KCNJ6: variants seen among roughly 807,000 people sequenced by gnomAD.
KCNJ6 encodes the protein G protein-activated inward rectifier potassium channel 2.
In KCNJ6, 9 loss-of-function variants were observed where a neutral mutation model predicts 34.2. The ratio of observed to expected loss-of-function variants is 0.26; its 90% confidence interval spans 0.16 to 0.46. KCNJ6 has a LOEUF of 0.46. KCNJ6 is among the 20% of genes least tolerant of loss of function. The pLI is 1.00. For missense variants in KCNJ6, 236 were observed against 531.3 expected, an observed-to-expected ratio of 0.44 and a Z score of 5.46; for synonymous variants, 196 against 207.1, an observed-to-expected ratio of 0.95 and a Z score of 0.46.
chr21:37,666,703 C>A (rs1282966118), intron 3 of KCNJ6, among the ~76,000 whole-genome samples: 1 of 150,720 alleles, frequency 6.6e-6, no homozygotes, highest in African/African-American at 2.4e-5. Flanking sequence ...GCAGTTTTGT[C>A]GAAAAGAAAG....
At chr21:37,858,285 C>T (rs1462907445) in intron 1 of KCNJ6, among the ~76,000 whole-genome samples, 18 of 142,364 alleles carry the variant, frequency 1.3e-4, no homozygotes, top group African/African-American at 4.4e-4. Context: ...CCCAGCTACT[C>T]GGGAGGCTGA....
chr21:37,758,503 T>C (rs576071974), intron 2 of KCNJ6, among the ~76,000 whole-genome samples: 1 of 152,346 alleles, frequency 6.6e-6, no homozygotes, highest in Admixed American at 6.5e-5. Context: ...TGAATTGCTT[T>C]TACCACTGCG....
chr21:37,645,619 G>A (rs2054400667), intron 3 of KCNJ6, among the ~76,000 whole-genome samples: 1 of 152,160 alleles, frequency 6.6e-6, no homozygotes, highest in African/African-American at 2.4e-5. Context: ...TTTGAACCAT[G>A]TTTAATAGGG....
At chr21:37,828,453 C>G (rs2055409401) in intron 2 of KCNJ6, among the ~76,000 whole-genome samples, 1 of 152,220 alleles carries the variant, frequency 6.6e-6, no homozygotes, top group Admixed American at 6.5e-5. Context: ...GCTGTCCCAG[C>G]TCACACACCT....
intron 3 of KCNJ6, among the ~76,000 whole-genome samples, chr21:37,692,218 AC>A (rs764066846): frequency 6.6e-6 from 1 of 152,112 alleles, no homozygotes; most frequent in Non-Finnish European, 1.5e-5. Flanking sequence ...AAAAACAAAA[AC>A]CAAAAAATCC....
At chr21:37,755,304 G>GA (rs142989045) in intron 2 of KCNJ6, among the ~76,000 whole-genome samples, 4 of 151,816 alleles carry the variant, frequency 2.6e-5, no homozygotes, top group Admixed American at 2.6e-4. Flanking sequence ...GAAAAAAAAA[G>GA]AAAAAAACAA....
In KCNJ6 at chr21:37,871,822, T is replaced by C. The variant is rs550693365; in HGVS notation, c.-27-31113A>G. ...TTCACAAAGTATAACCACCTGTTTT[T>C]TCTTCTATTTTTTAACGAAAAGCTT... On this transcript the variant is annotated intron_variant, in intron 1 of 3. Transcript: ENST00000609713. 1.4e-4 allele frequency among the ~76,000 whole-genome samples: 17 copies of C among 121,852 alleles called. No homozygotes were observed. In the East Asian group the frequency reaches 5.0e-3, roughly 36 times the overall value. The allele number at this position is 121,852 out of a possible 152,430, so 79.9% of individuals were successfully genotyped here. A position where few individuals can be genotyped will look rare whatever the true frequency, so the allele number is the denominator to read the frequency against.
intron 1 of KCNJ6, among the ~76,000 whole-genome samples, chr21:37,898,053 G>A (rs1047488692): frequency 7.2e-5 from 11 of 152,248 alleles, no homozygotes; most frequent in African/African-American, 2.7e-4. Context: ...GGTTCTCCAT[G>A]TTGACCGCCC....
chr21:37,799,228 C>T (rs2055257817), intron 2 of KCNJ6, among the ~76,000 whole-genome samples: 2 of 152,278 alleles, frequency 1.3e-5, no homozygotes, highest in South Asian at 2.1e-4. Flanking sequence ...CAGCTCCATC[C>T]ATGTTCCTGC....
chr21:37,787,718 A>G (rs2055198914), intron 2 of KCNJ6, among the ~76,000 whole-genome samples: 1 of 152,220 alleles, frequency 6.6e-6, no homozygotes, highest in Non-Finnish European at 1.5e-5. Context: ...AATACTGATT[A>G]CTTTTGAAAG....
intron 3 of KCNJ6, among the ~76,000 whole-genome samples, chr21:37,661,650 GTCTC>G (rs988926831): frequency 1.7e-4 from 10 of 60,420 alleles, no homozygotes; most frequent in East Asian, 3.9e-4. Context: ...TGAGACTGGA[GTCTC>G]TCTCTGTCGC....
chr21:37,737,670 A>G (rs796411590), intron 2 of KCNJ6, among the ~76,000 whole-genome samples: 2 of 152,290 alleles, frequency 1.3e-5, no homozygotes, highest in African/African-American at 4.8e-5. Context: ...GTCTGGGGAC[A>G]GGGTTTCTGG....
At chr21:37,759,979 A>T (rs960097544) in intron 2 of KCNJ6, among the ~76,000 whole-genome samples, 112 of 152,198 alleles carry the variant, frequency 7.4e-4, no homozygotes, top group African/African-American at 2.6e-3. Context: ...ACACTCAAGC[A>T]GTCCTACCCA....
intron 1 of KCNJ6, among the ~76,000 whole-genome samples, chr21:37,890,259 T>C (rs1434965008): frequency 6.6e-6 from 1 of 152,082 alleles, no homozygotes; most frequent in Non-Finnish European, 1.5e-5. Flanking sequence ...AAAAGCCCCT[T>C]ATAAAACCAT....
At chr21:37,888,962 G>A (rs2055748861) in intron 1 of KCNJ6, among the ~76,000 whole-genome samples, 1 of 152,224 alleles carries the variant, frequency 6.6e-6, no homozygotes, top group African/African-American at 2.4e-5. Context: ...CACAGAAGTT[G>A]AGACCTCAGG....
chr21:37,667,183 AATT>A (rs1335599916), intron 3 of KCNJ6, among the ~76,000 whole-genome samples: 7 of 71,966 alleles, frequency 9.7e-5, no homozygotes, highest in African/African-American at 1.5e-4. Context: ...AAAAAAAAAA[AATT>A]AAATGAGGCA....
rs1384359678 is a variant in KCNJ6, at chr21:37,614,534, CTCTG to C, written c.*10621_*10624del. On this transcript the variant is annotated 3_prime_UTR_variant, in exon 4 of 4. Transcript: ENST00000609713. ...TCTGTATGCATGTGTGTATGCATGT[CTCTG>C]TGTATGCGTGTGTGTGTATGCGTGT... 6 of 24,426 alleles carry C rather than the reference CTCTG, an allele frequency of 2.5e-4. No homozygotes were observed. Among genetic ancestry groups the C allele is most frequent in the Admixed American group, 1.0e-3 (2 of 1,996 alleles). 1.5% of individuals were successfully genotyped at this position (24,426 alleles called of 1,614,324 possible). A position where few individuals can be genotyped will look rare whatever the true frequency, so the allele number is the denominator to read the frequency against.
At chr21:37,753,101 A>G (rs572091597) in intron 2 of KCNJ6, among the ~76,000 whole-genome samples, 1 of 152,332 alleles carries the variant, frequency 6.6e-6, no homozygotes, top group Admixed American at 6.5e-5. Flanking sequence ...AGACGGCCGC[A>G]TGGAAAGGTG....
chr21:37,844,625 G>A (rs962424253), intron 1 of KCNJ6, among the ~76,000 whole-genome samples: 2 of 152,130 alleles, frequency 1.3e-5, no homozygotes, highest in Non-Finnish European at 2.9e-5. Context: ...CCAGCTCCCT[G>A]CAATCCGTGA....
Sources: gnomAD v4.1 joint callset for allele counts (sites outside exome capture counted in the v4.1 genomes callset) on GRCh38, gnomAD v4.1.1 for gene constraint, MANE v1.5 for transcripts, NCBI Gene and HGNC (gene_info 2026-07-23, HGNC 2026-07-21) for gene names.